LY6S: variants seen among roughly 807,000 people sequenced by gnomAD.
LY6S encodes the protein lymphocyte antigen 6 family member S.
the LY6S span, chr8:143,044,247 G>A: frequency 8.8e-6 from 4 of 456,120 alleles, no homozygotes; most frequent in Non-Finnish European, 1.8e-5. Context: ...GAGACCCGCG[G>A]CATGAAGTGG....
chr8:143,070,476 A>AAT, the LY6S span, among the ~76,000 whole-genome samples: 115 of 76,894 alleles, frequency 1.5e-3, 3 homozygotes, highest in East Asian at 3.5e-3. Flanking sequence ...TATATATATA[A>AAT]ATATATATAT....
chr8:143,068,972 G>T, the LY6S span, among the ~76,000 whole-genome samples: 1 of 152,142 alleles, frequency 6.6e-6, no homozygotes, highest in Non-Finnish European at 1.5e-5. Context: ...CTGGGAGTTG[G>T]AAACGAAAGT....
chr8:143,043,233 C>T, the LY6S span: 1 of 1,366,582 alleles, frequency 7.3e-7, no homozygotes, highest in African/African-American at 1.5e-5. Context: ...TCCCTTGCAG[C>T]AAGAGATCTG....
At chr8:143,041,340 C>T in the LY6S span, among the ~76,000 whole-genome samples, 13 of 152,312 alleles carry the variant, frequency 8.5e-5, no homozygotes, top group East Asian at 3.9e-4. Context: ...AAGAATTCAG[C>T]GATATTTCTC....
chr8:143,044,037 G>A, the LY6S span: 36 of 429,226 alleles, frequency 8.4e-5, no homozygotes, highest in Non-Finnish European at 1.5e-4. Flanking sequence ...ATGCAGCTCC[G>A]AGAGCTGAGG....
the LY6S span, among the ~76,000 whole-genome samples, chr8:143,062,861 A>G: frequency 3.9e-5 from 6 of 152,172 alleles, no homozygotes. Context: ...TGAGTCTGTA[A>G]TTTATCTGGA....
chr8:143,056,117 G>A, the LY6S span, among the ~76,000 whole-genome samples: 4 of 150,272 alleles, frequency 2.7e-5, no homozygotes, highest in African/African-American at 4.9e-5. Flanking sequence ...ACACAGTGCC[G>A]CGGGTTTCCT....
At chr8:143,049,656 A>T in the LY6S span, among the ~76,000 whole-genome samples, 1 of 152,196 alleles carries the variant, frequency 6.6e-6, no homozygotes, top group African/African-American at 2.4e-5. Context: ...ACTCCCCAGC[A>T]TCCCCCGCAC....
At chr8:143,057,209 T>C in the LY6S span, 4 of 309,582 alleles carry the variant, frequency 1.3e-5, no homozygotes, top group Non-Finnish European at 2.5e-5. Flanking sequence ...TGGCTTTGTT[T>C]GGCTTTATAA....
At chr8:143,064,987 C>T in the LY6S span, among the ~76,000 whole-genome samples, 63,387 of 152,054 alleles carry the variant, frequency 0.42, 16,446 homozygotes, top group Non-Finnish European at 0.58. Flanking sequence ...ATAATTCAGC[C>T]ATCTTTCAGG....
chr8:143,072,648 C>A, the LY6S span, among the ~76,000 whole-genome samples: 1 of 113,582 alleles, frequency 8.8e-6, no homozygotes, highest in African/African-American at 4.5e-5. Flanking sequence ...CAGCCGTCGT[C>A]CTCGGGGTCC....
chr8:143,043,313 G>GAACA, the LY6S span: 20 of 1,191,720 alleles, frequency 1.7e-5, no homozygotes, highest in Non-Finnish European at 1.9e-5. Context: ...AGAGGAGGGA[G>GAACA]AGCTTGTTCT....
At chr8:143,042,910 C>A in the LY6S span, 1 of 985,374 alleles carries the variant, frequency 1.0e-6, no homozygotes, top group South Asian at 1.3e-5. Flanking sequence ...GCTGGAGGGC[C>A]TGGGCCCAGA....
At chr8:143,054,719 C>T in the LY6S span, among the ~76,000 whole-genome samples, 6 of 152,198 alleles carry the variant, frequency 3.9e-5, no homozygotes, top group East Asian at 9.6e-4. Context: ...CCTTTTCCCA[C>T]GTACCAACAT....
the LY6S span, among the ~76,000 whole-genome samples, chr8:143,058,145 C>T: frequency 7.2e-5 from 11 of 152,166 alleles, no homozygotes; most frequent in Admixed American, 5.9e-4. Context: ...GTGTAGGGTC[C>T]AGCCCCACAG....
At chr8:143,060,294 A>C in the LY6S span, among the ~76,000 whole-genome samples, 2 of 152,236 alleles carry the variant, frequency 1.3e-5, no homozygotes, top group African/African-American at 4.8e-5. Flanking sequence ...GGAGGGCCTG[A>C]CATCAGTCAA....
the LY6S span, chr8:143,066,397 G>A: frequency 5.1e-6 from 1 of 197,660 alleles, no homozygotes; most frequent in South Asian, 8.2e-5. Flanking sequence ...CATGACCTCA[G>A]GTGATCCACC....
the LY6S span, chr8:143,059,583 G>A: frequency 9.2e-5 from 14 of 152,072 alleles, no homozygotes; most frequent in Non-Finnish European, 1.8e-4. Flanking sequence ...TAATATATAT[G>A]CAAGTAAATA....
At chr8:143,044,265 G>A in the LY6S span, 1 of 456,002 alleles carries the variant, frequency 2.2e-6, no homozygotes, top group Non-Finnish European at 4.4e-6. Flanking sequence ...TGGGGACAAG[G>A]GGCAGAGGTC....
Sources: gnomAD v4.1 joint callset for allele counts (sites outside exome capture counted in the v4.1 genomes callset) on GRCh38, gnomAD v4.1.1 for gene constraint, MANE v1.5 for transcripts, NCBI Gene and HGNC (gene_info 2026-07-23, HGNC 2026-07-21) for gene names.